Variants in SMPDL3B observed in about 807,000 individuals in gnomAD.
The protein encoded by SMPDL3B is sphingomyelin phosphodiesterase acid like 3B, also known as acid sphingomyelinase-like phosphodiesterase 3b.
Under a neutral mutation model 37.9 loss-of-function variants are expected in SMPDL3B, and 31 were observed. That is an observed-to-expected ratio of 0.82 (90% CI 0.61 to 1.10). The LOEUF is 1.10. Among genes scored for constraint, SMPDL3B ranks in the 50% least tolerant of loss-of-function variants. SMPDL3B has a pLI of 0.00. For synonymous variants in SMPDL3B, 235 were observed against 242.6 expected (o/e 0.97, Z 0.29); for missense variants, 525 against 597.8 (o/e 0.88, Z 1.27).
At chr1:27,943,666 C>T (rs1557492923) in intron 1 of SMPDL3B, among the ~76,000 whole-genome samples, 1 of 152,022 alleles carries the variant, frequency 6.6e-6, no homozygotes, top group African/African-American at 2.4e-5. Flanking sequence ...GAACAGAGGC[C>T]AGATCTGCTC....
intron 5 of SMPDL3B, 82 bp from the exon 6 acceptor site, chr1:27,955,602 G>A (rs2090493019): frequency 2.1e-6 from 3 of 1,405,242 alleles, no homozygotes; most frequent in South Asian, 2.6e-5. Context: ...TGCCTTTGGG[G>A]CAATTTGCAG....
intron 5 of SMPDL3B, among the ~76,000 whole-genome samples, chr1:27,955,318 G>A (rs552352719): frequency 1.3e-5 from 2 of 152,364 alleles, no homozygotes; most frequent in South Asian, 4.1e-4. Flanking sequence ...ACATTACCGT[G>A]TAGCATATCA....
intron 2 of SMPDL3B, among the ~76,000 whole-genome samples, chr1:27,947,805 A>C (rs2148677319): frequency 6.6e-6 from 1 of 150,872 alleles, no homozygotes; most frequent in African/African-American, 2.4e-5. Flanking sequence ...CTGGTCTCGA[A>C]CTCCTGACCT....
intron 4 of SMPDL3B, among the ~76,000 whole-genome samples, chr1:27,954,009 T>A (rs532508181): frequency 6.6e-6 from 1 of 152,228 alleles, no homozygotes; most frequent in African/African-American, 2.4e-5. Flanking sequence ...TTAGTCCACA[T>A]AGATCAGCTC....
rs566393265 is a variant in SMPDL3B at position 27,950,790 on chromosome 1, C to G, written c.373+1628C>G. ...GACTCTAGGCATCCACCACCATAGC[C>G]AGCTAATTTTAGTATTTTTGGTAGA... On this transcript the variant is annotated intron_variant, in intron 3 of 7. Coordinates refer to ENST00000373894, the MANE Select transcript of SMPDL3B (RefSeq NM_014474.4). Among the ~76,000 whole-genome samples, 260 of 152,270 alleles carry G rather than the reference C, an allele frequency of 1.7e-3. 2 individuals are homozygous for G. Among genetic ancestry groups the G allele is most frequent in the African/African-American group, 5.8e-3 (242 of 41,550 alleles).
At position 27,958,294 on chromosome 1, in the gene SMPDL3B, G is replaced by A. The variant is rs201107696; in HGVS notation, c.1006-182G>A. 6.6e-6 allele frequency among the ~76,000 whole-genome samples: 1 copy of A among 152,136 alleles called. No individual in the cohort carries two copies. The highest frequency in any genetic ancestry group is 1.9e-4 in the East Asian group (1 of 5,200). ...CATTTGTGAAACCTAGGTAATAAGC[G>A]CAGTTACCTCATTCGATTCAGAGGA... is the stretch of plus-strand genomic sequence containing the variant. On this transcript the variant is annotated intron_variant, in intron 7 of 7. Coordinates refer to ENST00000373894, the MANE Select transcript of SMPDL3B (RefSeq NM_014474.4). This position sits in a 1 kb window ranked among gnomAD's most constrained non-coding sequence, Gnocchi z 5.6.
chr1:27,954,290 A>C, intron 4 of SMPDL3B, 64 bp from the exon 5 acceptor site: 2 of 1,448,106 alleles, frequency 1.4e-6, no homozygotes, highest in Non-Finnish European at 1.9e-6. Flanking sequence ...ATTGAGGTGG[A>C]AGGGGCGGAA....
At chr1:27,935,365 G>A in intron 1 of SMPDL3B, 121 bp downstream of exon 1, 4 of 723,398 alleles carry the variant, frequency 5.5e-6, no homozygotes, top group Non-Finnish European at 9.5e-6. Flanking sequence ...AGCTAGGCAG[G>A]GAGGCAGGTG....
chr1:27,955,758 C>T lies in SMPDL3B; in HGVS notation c.765C>T (p.Phe255=). Residue 255 remains phenylalanine (F), a synonymous_variant, in exon 6 of 8, where the codon TTC becomes TTT. Transcript: ENST00000373894. ...TQNKAWFREG[F]NEKYLKVVRK... is the part of the protein sequence containing the mutation. ...ACAAGGCATGGTTCCGGGAGGGCTT[C>T]AATGAAAAATACCTGAAGGTGGTCC... 6.2e-7 allele frequency: 1 copy of T among 1,614,108 alleles called. No individual in the cohort carries two copies. Among genetic ancestry groups the T allele is most frequent in the Non-Finnish European group, 8.5e-7 (1 of 1,180,016 alleles).
chr1:27,946,547 C>T (rs1469627527), intron 2 of SMPDL3B, among the ~76,000 whole-genome samples: 2 of 152,116 alleles, frequency 1.3e-5, no homozygotes, highest in African/African-American at 4.8e-5. Flanking sequence ...CCTACCCTTA[C>T]ATCCAAGCAA....
intron 3 of SMPDL3B, among the ~76,000 whole-genome samples, chr1:27,952,984 T>C (rs1245323855): frequency 6.6e-6 from 1 of 152,240 alleles, no homozygotes; most frequent in Non-Finnish European, 1.5e-5. Flanking sequence ...GGAAACTTTC[T>C]GCTGGGAATG....
chr1:27,936,384 T>A (rs1307006640), intron 1 of SMPDL3B, among the ~76,000 whole-genome samples: 2 of 151,530 alleles, frequency 1.3e-5, no homozygotes, highest in Non-Finnish European at 2.9e-5. Context: ...GCCTGGGAGG[T>A]TGAGGCTGCA....
rs763070179 is a variant in SMPDL3B, at chr1:27,958,498, A to T, written c.1028A>T (p.Asn343Ile). The T allele has an allele frequency of 3.7e-6, 6 of 1,607,918 alleles. No individual in the cohort carries two copies. The highest frequency in any genetic ancestry group is 5.1e-6 in the Non-Finnish European group (6 of 1,175,228). ...SLKDMVTYFMNLSQANAQGTP... is the reference protein window; with the variant it reads ...SLKDMVTYFMILSQANAQGTP... ...CAGGACATGGTGACCTACTTCATGAACCTGAGCCAGGCGAATGCTCAGGGG... is the reference window on the plus strand; with the variant it reads ...CAGGACATGGTGACCTACTTCATGATCCTGAGCCAGGCGAATGCTCAGGGG... The change falls in exon 8 of 8, where the codon AAC becomes ATC. Residue 343 changes from asparagine to isoleucine, a missense_variant. Asn to Ile is a moderately radical substitution (Grantham distance 149, BLOSUM62 -3). Transcript: ENST00000373894. The surrounding 1 kb of genome is among the most constrained non-coding windows in gnomAD (Gnocchi z 5.6).
Position 27,955,855 on chromosome 1 carries a change from G to C in SMPDL3B, c.862G>C (p.Asp288His). Residue 288 changes from aspartate to histidine, a missense_variant, in exon 6 of 8, where the codon GAT becomes CAT. Physicochemically the swap from Asp to His is moderately conservative, Grantham distance 81. Transcript: ENST00000373894. ...CACCGACAGCTTTCGGATGCTCTATGATGATGCAGGTATTCAACCTGGAGG... is the reference window on the plus strand; with the variant it reads ...CACCGACAGCTTTCGGATGCTCTATCATGATGCAGGTATTCAACCTGGAGG... Reference protein sequence around the residue: ...HHTDSFRMLYDDAGVPISAMF... With the variant: ...HHTDSFRMLYHDAGVPISAMF... The C allele has an allele frequency of 1.9e-6, 3 of 1,613,508 alleles. No homozygotes were observed. Among genetic ancestry groups the C allele is most frequent in the Non-Finnish European group, 2.5e-6 (3 of 1,179,494 alleles).
At chr1:27,946,063 C>G (rs1189441688) in intron 2 of SMPDL3B, among the ~76,000 whole-genome samples, 9 of 152,078 alleles carry the variant, frequency 5.9e-5, no homozygotes, top group African/African-American at 2.2e-4. Flanking sequence ...TTCAAGATTC[C>G]CCCATTCCGG....
intron 5 of SMPDL3B, among the ~76,000 whole-genome samples, chr1:27,954,998 T>C (rs2090487892): frequency 6.6e-6 from 1 of 152,214 alleles, no homozygotes; most frequent in East Asian, 1.9e-4. Context: ...TCACAGCTGG[T>C]GCCCATGAGC....
Position 27,958,505 on chromosome 1 carries a change from C to G in SMPDL3B, c.1035C>G (p.Ser345Arg). ...KDMVTYFMNL[S>R]QANAQGTPRW... ...TGGTGACCTACTTCATGAACCTGAG[C>G]CAGGCGAATGCTCAGGGGACGCCGC... Residue 345 changes from serine (S) to arginine (R), a missense_variant, in exon 8 of 8, where the codon AGC becomes AGG. By Grantham distance (110) the Ser-to-Arg change is moderately radical. Transcript: ENST00000373894. The surrounding 1 kb of genome is among the most constrained non-coding windows in gnomAD (Gnocchi z 5.6). The G allele has an allele frequency of 6.2e-7, 1 of 1,609,366 alleles. No homozygotes were observed. Among genetic ancestry groups the G allele is most frequent in the Non-Finnish European group, 8.5e-7 (1 of 1,176,272 alleles).
At chr1:27,942,444 T>C (rs2090367964) in intron 1 of SMPDL3B, 2 of 430,660 alleles carry the variant, frequency 4.6e-6, no homozygotes, top group Admixed American at 5.9e-5. Flanking sequence ...TATGAGGCAG[T>C]TCATTCCTTT....
Position 27,935,128 on chromosome 1 carries a change from T to G in SMPDL3B, c.-56T>G. ...AGAAAACTACTTAGGAAGCCTGTGG[T>G]GAGAACAACAACAGTGCCTGAGAAT... On this transcript the variant is annotated 5_prime_UTR_variant, in exon 1 of 8. Coordinates refer to ENST00000373894, the MANE Select transcript of SMPDL3B (RefSeq NM_014474.4). The G allele has an allele frequency of 2.5e-4, 345 of 1,380,424 alleles. No homozygotes were observed. Among genetic ancestry groups the G allele is most frequent in the Non-Finnish European group, 3.2e-4 (314 of 973,342 alleles). The allele number at this position is 1,380,424 out of a possible 1,614,324, so 85.5% of individuals were successfully genotyped here.
Sources: gnomAD v4.1 joint callset for allele counts (sites outside exome capture counted in the v4.1 genomes callset) on GRCh38, gnomAD v4.1.1 for gene constraint, Gnocchi (gnomAD v3.1) non-coding constraint, MANE v1.5 for transcripts, NCBI Gene and HGNC (gene_info 2026-07-23, HGNC 2026-07-21) for gene names.